TRIM55: variants seen among roughly 807,000 people sequenced by gnomAD.
TRIM55 encodes the protein tripartite motif containing 55.
In TRIM55, 50 loss-of-function variants were observed where a neutral mutation model predicts 60.9. The ratio of observed to expected loss-of-function variants is 0.82; its 90% CI spans 0.65 to 1.04. TRIM55 has a LOEUF of 1.04. Ranked by LOEUF, TRIM55 falls within the 50% of genes least tolerant of loss-of-function variation. TRIM55 has a pLI of 0.00. For missense variants in TRIM55, 681 were observed against 666.9 expected, an observed-to-expected ratio of 1.02 and a Z score of -0.23; for synonymous variants, 237 against 238.1, an observed-to-expected ratio of 1.00 and a Z score of 0.04.
chr8:66,127,264 A>G lies in TRIM55; in HGVS notation c.-5A>G. On this transcript the variant is annotated 5_prime_UTR_variant, in exon 1 of 10. Coordinates refer to ENST00000315962, the MANE Select transcript of TRIM55 (RefSeq NM_184085.2). ...CCTGGCAGCACACTTGGGGACAGCGAGGAGATGAGCGCATCTCTGAATTAC... is the reference window on the plus strand; with the variant it reads ...CCTGGCAGCACACTTGGGGACAGCGGGGAGATGAGCGCATCTCTGAATTAC... 6.2e-7 allele frequency: 1 copy of G among 1,613,446 alleles called. No homozygotes were observed.
intron 4 of TRIM55, 36 bp from the exon 5 acceptor site, chr8:66,149,609 C>G (rs1810292426): frequency 1.3e-6 from 2 of 1,523,484 alleles, no homozygotes; most frequent in East Asian, 4.6e-5. Flanking sequence ...GACTTTGTTT[C>G]AAATACTTTC....
rs780743101 is a variant in TRIM55 at position 66,135,019 on chromosome 8, G to A, written c.371G>A (p.Cys124Tyr). ...GAAAAGAAATCCGACCAGCCCATGT[G>A]CGAGGAACATGAAGAGGAGCGCATC... ...RPEKKSDQPM[C>Y]EEHEEERINI... Residue 124 changes from cysteine to tyrosine, a missense_variant, in exon 3 of 10, where the codon TGC (cysteine) becomes TAC (tyrosine). Coordinates refer to ENST00000315962, the MANE Select transcript of TRIM55 (RefSeq NM_184085.2). 1.2e-6 allele frequency: 2 copies of A among 1,614,062 alleles called. No homozygotes were observed. Among genetic ancestry groups the A allele is most frequent in the African/African-American group, 1.3e-5 (1 of 74,926 alleles).
At chr8:66,172,999 A>C (rs964440257) in intron 9 of TRIM55, among the ~76,000 whole-genome samples, 2 of 152,198 alleles carry the variant, frequency 1.3e-5, no homozygotes, top group African/African-American at 4.8e-5. Context: ...TAGCCAGGGT[A>C]AGAGGATTAT....
upstream of TRIM55, among the ~76,000 whole-genome samples, chr8:66,125,149 C>G (rs1014674488): frequency 4.6e-5 from 7 of 152,252 alleles, no homozygotes; most frequent in South Asian, 2.1e-4. Context: ...AATATTAAAG[C>G]CTTCGAAATC....
At position 66,149,713 on chromosome 8, in the gene TRIM55, G is replaced by C. The variant is rs1399103227; in HGVS notation, c.672G>C (p.Glu224Asp). The C allele has an allele frequency of 1.9e-6, 3 of 1,614,212 alleles. No individual in the cohort carries two copies. Among genetic ancestry groups the C allele is most frequent in the Non-Finnish European group, 2.5e-6 (3 of 1,180,016 alleles). The change falls in exon 5 of 10, where the codon GAG (glutamate) becomes GAC (aspartate). Residue 224 changes from glutamate (E) to aspartate (D), a missense_variant. By Grantham distance (45) the Glu-to-Asp change is conservative. Coordinates refer to ENST00000315962, the MANE Select transcript of TRIM55 (RefSeq NM_184085.2). ...ATTACCTGTATGGCATTTTGGAGGA[G>C]AGGAAGAATGAAATGACCCAAGTCA... ...KFDYLYGILEERKNEMTQVIT... is the reference protein window; with the variant it reads ...KFDYLYGILEDRKNEMTQVIT...
chr8:66,118,726 A>G, the TRIM55 span, among the ~76,000 whole-genome samples: 1 of 152,216 alleles, frequency 6.6e-6, no homozygotes, highest in Admixed American at 6.5e-5. Flanking sequence ...AAAGGAAATA[A>G]CATTATGCCT....
At chr8:66,114,511 A>ATCCT in the TRIM55 span, 1 of 455,782 alleles carries the variant, frequency 2.2e-6, no homozygotes, top group Non-Finnish European at 4.4e-6. Flanking sequence ...CGTCACATGT[A>ATCCT]TTATCACTCA....
the TRIM55 span, among the ~76,000 whole-genome samples, chr8:66,120,526 A>G: frequency 6.6e-6 from 1 of 152,348 alleles, no homozygotes; most frequent in African/African-American, 2.4e-5. Flanking sequence ...GAAGCTGAAG[A>G]TTGAGATCAG....
chr8:66,145,660 G>GTT (rs144951748), intron 4 of TRIM55, among the ~76,000 whole-genome samples: 2 of 148,724 alleles, frequency 1.3e-5, no homozygotes, highest in African/African-American at 4.9e-5. Flanking sequence ...TTTGGGTTTT[G>GTT]TTTTTTTTTT....
intron 4 of TRIM55, among the ~76,000 whole-genome samples, chr8:66,140,292 G>A (rs1485966264): frequency 6.6e-6 from 1 of 152,258 alleles, no homozygotes; most frequent in African/African-American, 2.4e-5. Context: ...TTTAAGGGCA[G>A]CGAATAGTGG....
intron 4 of TRIM55, among the ~76,000 whole-genome samples, chr8:66,148,823 C>T (rs1422697437): frequency 1.3e-5 from 2 of 152,126 alleles, no homozygotes; most frequent in East Asian, 1.9e-4. Flanking sequence ...CTGAGGTGGG[C>T]GGATCACTGT....
intron 9 of TRIM55, among the ~76,000 whole-genome samples, chr8:66,172,362 C>A (rs1359404859): frequency 6.6e-6 from 1 of 152,130 alleles, no homozygotes; most frequent in African/African-American, 2.4e-5. Context: ...TAAACAAGAC[C>A]AAGGAGATGG....
In TRIM55 at chr8:66,174,555, A is replaced by G. The variant is rs770820265; in HGVS notation, c.1609A>G (p.Ile537Val). 1.9e-6 allele frequency: 3 copies of G among 1,607,984 alleles called. No individual in the cohort carries two copies. The highest frequency in any genetic ancestry group is 1.7e-5 in the Admixed American group (1 of 58,566). Residue 537 changes from isoleucine to valine, a missense_variant, in exon 10 of 10, where the codon ATC becomes GTC. By Grantham distance (29) the Ile-to-Val change is conservative (BLOSUM62 3). Transcript: ENST00000315962. ...AGCTGATTCTGAGCCAGCTCGCCAT[A>G]TCTTCTCCTTTTCCTGGTTGAACTC... ...SGADSEPARH[I>V]FSFSWLNSLN...
At position 66,128,314 on chromosome 8, in the gene TRIM55, C is replaced by A. The variant is rs61760894; in HGVS notation, c.179C>A (p.Pro60Gln). 2.5e-6 allele frequency: 4 copies of A among 1,604,182 alleles called. No homozygotes were observed. The East Asian group carries it at 9.0e-5, about 36-fold the overall frequency. The change falls in exon 2 of 10, where the codon CCG (proline) becomes CAG (glutamine). Residue 60 changes from proline to glutamine, a missense_variant. Physicochemically the swap from Pro to Gln is moderately conservative, Grantham distance 76 (BLOSUM62 -1). Transcript: ENST00000315962. ...ACTTGGCAAGAACAGGCCTCTAACC[C>A]GTATTTGCCCACAAGAGGAGGTACC... The part of the protein sequence containing the change: ...CASDIFQASN[P>Q]YLPTRGGTTM...
chr8:66,158,078 A>G (rs925586625), intron 9 of TRIM55, among the ~76,000 whole-genome samples: 2 of 151,462 alleles, frequency 1.3e-5, no homozygotes, highest in African/African-American at 4.9e-5. Context: ...TTAACTCAGC[A>G]GCTGCTCTGG....
chr8:66,148,429 A>G (rs1279822378), intron 4 of TRIM55, among the ~76,000 whole-genome samples: 2 of 152,242 alleles, frequency 1.3e-5, no homozygotes, highest in East Asian at 1.9e-4. Context: ...TATGCTATCA[A>G]TGGTAACTAT....
intron 4 of TRIM55, among the ~76,000 whole-genome samples, chr8:66,143,915 A>G (rs902733345): frequency 4.6e-5 from 7 of 152,224 alleles, no homozygotes; most frequent in African/African-American, 1.7e-4. Context: ...CCTGAGAGAA[A>G]AGTGAACCAA....
chr8:66,118,063 G>A, the TRIM55 span, among the ~76,000 whole-genome samples: 1 of 150,026 alleles, frequency 6.7e-6, no homozygotes, highest in African/African-American at 2.5e-5. Flanking sequence ...CAGCTGCTCG[G>A]GAGGCTGAAG....
At chr8:66,167,504 C>A (rs947470662) in intron 9 of TRIM55, among the ~76,000 whole-genome samples, 2 of 152,206 alleles carry the variant, frequency 1.3e-5, no homozygotes, top group African/African-American at 4.8e-5. Context: ...CCACCCTGAT[C>A]CCATCAATTC....
Sources: allele counts gnomAD v4.1 joint callset (sites outside exome capture counted in the v4.1 genomes callset), GRCh38; gene constraint gnomAD v4.1.1; transcripts MANE v1.5; gene names NCBI Gene and HGNC (gene_info 2026-07-23, HGNC 2026-07-21).